TNR: variants seen among roughly 807,000 people sequenced by gnomAD.
The protein encoded by TNR is tenascin R.
TNR carries 45 observed loss-of-function variants against 150.4 expected under a neutral mutation model. The ratio of observed to expected loss-of-function variants is 0.30; its 90% confidence interval spans 0.24 to 0.38. The LOEUF (loss-of-function observed/expected upper bound fraction) is 0.38, where lower values mean the gene tolerates loss of function less well. TNR is among the 10% of genes least tolerant of loss of function. The probability of loss-of-function intolerance (pLI) is 1.00; values close to 1 mark genes in which losing one functional copy is unlikely to be tolerated. For synonymous variants in TNR, 687 were observed against 678.4 expected, an observed-to-expected ratio of 1.01 and a Z score of -0.20; for missense variants, 1,544 against 1,759.1, an observed-to-expected ratio of 0.88 and a Z score of 2.19.
intron 18 of TNR, among the ~76,000 whole-genome samples, chr1:175,340,480 T>G (rs1289571286): frequency 6.6e-6 from 1 of 152,250 alleles, no homozygotes; most frequent in Admixed American, 6.5e-5. Flanking sequence ...CTTTTCAACC[T>G]GCTTCAGCCT....
At chr1:175,370,689 A>G (rs1652063993) in intron 9 of TNR, among the ~76,000 whole-genome samples, 1 of 152,200 alleles carries the variant, frequency 6.6e-6, no homozygotes, top group Non-Finnish European at 1.5e-5. Context: ...AACTACTTTT[A>G]TCAGGCAACT....
At chr1:175,683,363 G>T (rs1666097835) in intron 1 of TNR, among the ~76,000 whole-genome samples, 2 of 152,148 alleles carry the variant, frequency 1.3e-5, no homozygotes, top group Admixed American at 1.3e-4. Flanking sequence ...TACCAGTACT[G>T]ATCAAATTTA....
At chr1:175,555,859 C>T (rs1661137062) in intron 1 of TNR, among the ~76,000 whole-genome samples, 1 of 152,176 alleles carries the variant, frequency 6.6e-6, no homozygotes, top group Non-Finnish European at 1.5e-5. Context: ...AGGCTCCTTC[C>T]AACCATGAGT....
intron 18 of TNR, among the ~76,000 whole-genome samples, chr1:175,343,203 C>T (rs1245422559): frequency 6.6e-6 from 1 of 152,162 alleles, no homozygotes; most frequent in Non-Finnish European, 1.5e-5. Flanking sequence ...CCTACCATGG[C>T]CTACAAAGCC....
At chr1:175,530,288 G>A (rs1004811688) in intron 1 of TNR, among the ~76,000 whole-genome samples, 1 of 152,116 alleles carries the variant, frequency 6.6e-6, no homozygotes, top group African/African-American at 2.4e-5. Context: ...CAGAGGGAAC[G>A]TTGGAGGTGT....
intron 16 of TNR, 89 bp downstream of exon 16, chr1:175,356,230 G>A: frequency 1.9e-6 from 3 of 1,544,066 alleles, no homozygotes; most frequent in Non-Finnish European, 2.7e-6. Flanking sequence ...TCCAAAGCCT[G>A]TAAGTGATAA....
intron 1 of TNR, among the ~76,000 whole-genome samples, chr1:175,670,560 G>A (rs1030131711): frequency 1.3e-5 from 2 of 152,220 alleles, no homozygotes; most frequent in Non-Finnish European, 2.9e-5. Context: ...GGTAGATGCA[G>A]CTCCACACGG....
chr1:175,702,676 T>A (rs545439817), intron 1 of TNR, among the ~76,000 whole-genome samples: 109 of 152,306 alleles, frequency 7.2e-4, no homozygotes, highest in African/African-American at 2.5e-3. Context: ...AACATTTCCA[T>A]CCGAATGGCA....
intron 8 of TNR, among the ~76,000 whole-genome samples, chr1:175,381,006 C>A (rs1057029722): frequency 6.6e-6 from 1 of 152,170 alleles, no homozygotes; most frequent in African/African-American, 2.4e-5. Context: ...TTCTGTTTAG[C>A]GATGTAAATT....
At chr1:175,649,084 T>G (rs1481016418) in intron 1 of TNR, among the ~76,000 whole-genome samples, 1 of 152,224 alleles carries the variant, frequency 6.6e-6, no homozygotes, top group Non-Finnish European at 1.5e-5. Flanking sequence ...CCCTCCCTGC[T>G]TGGAGCTGTC....
intron 1 of TNR, among the ~76,000 whole-genome samples, chr1:175,666,001 G>C (rs1665522613): frequency 6.6e-6 from 1 of 152,188 alleles, no homozygotes; most frequent in South Asian, 2.1e-4. Context: ...GAAGGGAACA[G>C]TTTCTTGAGA....
intron 18 of TNR, among the ~76,000 whole-genome samples, chr1:175,353,625 A>G (rs1651169119): frequency 1.3e-5 from 2 of 152,126 alleles, no homozygotes; most frequent in South Asian, 2.1e-4. Context: ...GGCCTTCCTG[A>G]CCAGTTGTTA....
chr1:175,518,145 G>A (rs1302119417), intron 2 of TNR, among the ~76,000 whole-genome samples: 1 of 152,158 alleles, frequency 6.6e-6, no homozygotes, highest in African/African-American at 2.4e-5. Context: ...ACTTCTGTAA[G>A]CAGTTGTGTT....
chr1:175,342,537 T>C (rs1476821684), intron 18 of TNR, among the ~76,000 whole-genome samples: 1 of 152,216 alleles, frequency 6.6e-6, no homozygotes, highest in Non-Finnish European at 1.5e-5. Flanking sequence ...TGGTGGACTT[T>C]AAGCTCAACT....
chr1:175,598,532 C>T (rs1435774619), intron 1 of TNR, among the ~76,000 whole-genome samples: 5 of 152,190 alleles, frequency 3.3e-5, no homozygotes, highest in Non-Finnish European at 7.3e-5. Flanking sequence ...TGGACGTGGG[C>T]ATGAATACAT....
chr1:175,683,710 C>T (rs912289237), intron 1 of TNR, among the ~76,000 whole-genome samples: 1 of 152,128 alleles, frequency 6.6e-6, no homozygotes, highest in African/African-American at 2.4e-5. Flanking sequence ...AGGGAAAGGA[C>T]AGATGAGGAA....
chr1:175,632,301 G>T (rs1287680035), intron 1 of TNR, among the ~76,000 whole-genome samples: 1 of 152,220 alleles, frequency 6.6e-6, no homozygotes, highest in Non-Finnish European at 1.5e-5. Flanking sequence ...CTGTTCCCAA[G>T]GCTCCCCCGT....
chr1:175,403,605 A>C lies in TNR; in HGVS notation c.511T>G (p.Tyr171Asp). The C allele has an allele frequency of 6.2e-7, 1 of 1,612,414 alleles. No individual in the cohort carries two copies. Among genetic ancestry groups the C allele is most frequent in the African/African-American group, 1.3e-5 (1 of 75,028 alleles). ...QESAATGQLD[Y>D]IPHCSGHGNF... The stretch of plus-strand genomic sequence containing the variant: ...CCGTGGCCACTGCAGTGAGGGATAT[A>C]GTCCAGTTGTCCTGGAATGGTCAAG... The change falls in exon 4 of 23, where the codon TAT becomes GAT. Residue 171 changes from tyrosine to aspartate, a missense_variant. Physicochemically the swap from Tyr to Asp is radical, Grantham distance 160. Coordinates refer to ENST00000367674, the MANE Select transcript of TNR (RefSeq NM_003285.3).
chr1:175,503,131 T>C (rs908783876), intron 2 of TNR, among the ~76,000 whole-genome samples: 7 of 152,086 alleles, frequency 4.6e-5, no homozygotes, highest in South Asian at 2.1e-4. Flanking sequence ...CCAGTACACG[T>C]TGCTGAGGAT....
Sources: gnomAD v4.1 joint callset for allele counts (sites outside exome capture counted in the v4.1 genomes callset) on GRCh38, gnomAD v4.1.1 for gene constraint, MANE v1.5 for transcripts, NCBI Gene and HGNC (gene_info 2026-07-23, HGNC 2026-07-21) for gene names.